The following HSPH1 variants were observed in gnomAD, a reference collection of about 807,000 sequenced individuals.
HSPH1 encodes the protein heat shock protein family H (Hsp110) member 1, also known as heat shock protein 105 kDa.
HSPH1 carries 40 observed loss-of-function variants against 100.0 expected under a neutral mutation model. The observed-to-expected ratio is 0.40, with a 90% CI of 0.31 to 0.52. The LOEUF (loss-of-function observed/expected upper bound fraction) is 0.52. Ranked by LOEUF, HSPH1 falls within the 20% of genes least tolerant of loss-of-function variation. The pLI, the probability that HSPH1 is intolerant of heterozygous loss-of-function variation, is 0.54. For synonymous variants in HSPH1, 403 were observed against 344.0 expected, an observed-to-expected ratio of 1.17 and a Z score of -1.90; for missense variants, 876 against 1,015.1, an observed-to-expected ratio of 0.86 and a Z score of 1.86.
Position 31,145,643 on chromosome 13 carries a change from G to C in HSPH1, c.1504C>G (p.Pro502Ala), listed in dbSNP as rs1472246918. The C allele has an allele frequency of 6.2e-7, 1 of 1,613,472 alleles. No individual in the cohort carries two copies. Among genetic ancestry groups the C allele is most frequent in the East Asian group, 2.2e-5 (1 of 44,868 alleles). The change falls in exon 11 of 18, where the codon CCA becomes GCA. Residue 502 changes from proline (P) to alanine (A), a missense_variant. Coordinates refer to ENST00000320027, the MANE Select transcript of HSPH1 (RefSeq NM_006644.4). Reference sequence around the variant, plus strand: ...GAAGACATTTCATTCTCCTCAGTTGGGACTTTCTCCACCATAGATGCCGTA... The same window carrying C: ...GAAGACATTTCATTCTCCTCAGTTGCGACTTTCTCCACCATAGATGCCGTA... ...ISTASMVEKV[P>A]TEENEMSSEA...
intron 4 of HSPH1, chr13:31,154,385 C>A: frequency 1.9e-6 from 1 of 531,494 alleles, no homozygotes; most frequent in Non-Finnish European, 3.4e-6. Flanking sequence ...ACAAATGGAA[C>A]CAGTCAAAAT....
In HSPH1 at chr13:31,135,166, C is replaced by T. The variant is rs1955854929; in HGVS notation, c.*2152G>A. 6.6e-6 allele frequency: 1 copy of T among 152,194 alleles called. No individual in the cohort carries two copies. The highest frequency in any genetic ancestry group is 1.5e-5 in the Non-Finnish European group (1 of 68,036). 9.4% of individuals were successfully genotyped at this position (152,194 alleles called of 1,614,324 possible). On this transcript the variant is annotated 3_prime_UTR_variant, in exon 18 of 18. Transcript: ENST00000320027. Reference sequence around the variant, plus strand: ...CGTTATTATAAAGTAATCAACATGACAATACTTTTGCCCGCATCCAAAAGC... The same window carrying T: ...CGTTATTATAAAGTAATCAACATGATAATACTTTTGCCCGCATCCAAAAGC...
upstream of HSPH1, chr13:31,161,921 C>CT (rs1956938316): frequency 4.0e-6 from 6 of 1,517,386 alleles, no homozygotes; most frequent in Non-Finnish European, 5.3e-6. Context: ...GGAGGTCCCA[C>CT]TTCCTCAGCC....
chr13:31,138,043 C>T (rs374071340), intron 17 of HSPH1, among the ~76,000 whole-genome samples: 12 of 152,228 alleles, frequency 7.9e-5, no homozygotes, highest in African/African-American at 2.6e-4. Context: ...CCCTATAGCA[C>T]TTAACATCTC....
chr13:31,161,408 G>A (rs1178201173), intron 1 of HSPH1, 68 bp downstream of exon 1: 15 of 1,578,918 alleles, frequency 9.5e-6, no homozygotes, highest in Non-Finnish European at 1.2e-5. Flanking sequence ...CAGCCAGCCC[G>A]CGATCTTGGG....
At position 31,145,700 on chromosome 13, in the gene HSPH1, G is replaced by A. The variant is rs1444395962; in HGVS notation, c.1447C>T (p.Arg483Ter). ...GTGAAAATGCCATGGGTGTTGACTC[G>A]CACTTTGACTTTTACTCTAGATTTT... ...GEKSRVKVKVRVNTHGIFTIS... is the reference protein window; with the variant it reads ...GEKSRVKVKV The change falls in exon 11 of 18, where the codon CGA becomes TGA. Residue 483 changes from arginine to a stop codon, truncating the protein, a stop_gained. Transcript: ENST00000320027. LOFTEE classifies it high-confidence loss of function. 1 of 1,613,498 alleles carries A rather than the reference G, an allele frequency of 6.2e-7. No individual in the cohort carries two copies. Among genetic ancestry groups the A allele is most frequent in the African/African-American group, 1.3e-5 (1 of 74,954 alleles).
chr13:31,158,957 T>TA, intron 1 of HSPH1, 94 bp from the exon 2 acceptor site: 1 of 766,868 alleles, frequency 1.3e-6, no homozygotes, highest in Non-Finnish European at 2.3e-6. Context: ...TCCTACCCAT[T>TA]AGGGGATAGG....
At chr13:31,153,895 A>G (rs1956579450) in intron 4 of HSPH1, 1 of 151,862 alleles carries the variant, frequency 6.6e-6, no homozygotes, top group Admixed American at 6.6e-5. Context: ...TTATAACTTA[A>G]TTCTTTAATT....
rs751853058 is a variant in HSPH1 at position 31,147,962 on chromosome 13, T to A, written c.1375A>T (p.Ile459Leu). ...PQGVPYPEAK[I>L]GRFVVQNVSA... ...ATATACACAATGAACTCCTTACCTA[T>A]TTTTGCTTCTGGATATGGAACTCCT... is the stretch of plus-strand genomic sequence containing the variant. The change falls in exon 10 of 18, where the codon ATA becomes TTA. Residue 459 changes from isoleucine to leucine, a missense_variant. Physicochemically the swap from Ile to Leu is conservative, Grantham distance 5 (BLOSUM62 2). Coordinates refer to ENST00000320027, the MANE Select transcript of HSPH1 (RefSeq NM_006644.4). 6 of 1,585,734 alleles carry A rather than the reference T, an allele frequency of 3.8e-6. No individual in the cohort carries two copies. The highest frequency in any genetic ancestry group is 1.7e-4 in the Middle Eastern group (1 of 5,974).
chr13:31,138,365 C>T (rs534272166), intron 17 of HSPH1, 42 bp downstream of exon 17: 58 of 1,588,672 alleles, frequency 3.7e-5, no homozygotes, highest in South Asian at 1.0e-4. Context: ...AACTTGAGTC[C>T]GTAAGTGAAC....
upstream of HSPH1, chr13:31,162,205 C>A: frequency 2.1e-6 from 2 of 962,114 alleles, no homozygotes; most frequent in East Asian, 2.6e-5. Flanking sequence ...AAGAATGACT[C>A]CAAAACTCGG....
In HSPH1 at chr13:31,149,893, G is replaced by A. The variant is rs146648378; in HGVS notation, c.1137+61C>T. The A allele has an allele frequency of 1.2e-4, 160 of 1,304,540 alleles. No individual in the cohort carries two copies. The African/African-American group carries it at 1.9e-3, about 16-fold the overall frequency. 80.8% of individuals were successfully genotyped at this position (1,304,540 alleles called of 1,614,324 possible). ...TCTCTGTTTATTATCCCACCATGACGACATCCAGTGGAAACTGTTTAAAGA... is the reference window on the plus strand; with the variant it reads ...TCTCTGTTTATTATCCCACCATGACAACATCCAGTGGAAACTGTTTAAAGA... On this transcript the variant is annotated intron_variant, in intron 8 of 17. Coordinates refer to ENST00000320027, the MANE Select transcript of HSPH1 (RefSeq NM_006644.4).
At chr13:31,160,831 G>A (rs1052326850) in intron 1 of HSPH1, among the ~76,000 whole-genome samples, 3 of 152,186 alleles carry the variant, frequency 2.0e-5, no homozygotes, top group African/African-American at 7.2e-5. Context: ...CGGGCATTAA[G>A]GCCAACAATG....
chr13:31,144,682 A>T (rs1956209737), intron 11 of HSPH1, among the ~76,000 whole-genome samples: 1 of 152,108 alleles, frequency 6.6e-6, no homozygotes, highest in African/African-American at 2.4e-5. Context: ...GAACTCTCTC[A>T]TATTTTTCTT....
At chr13:31,140,090 A>T in intron 14 of HSPH1, 94 bp downstream of exon 14, 1 of 1,225,608 alleles carries the variant, frequency 8.2e-7, no homozygotes, top group Non-Finnish European at 1.1e-6. Context: ...TTTAAGTTAC[A>T]TAATTGAGTA....
chr13:31,154,667 C>G lies in HSPH1; in HGVS notation c.395G>C (p.Ser132Thr), dbSNP rs751515227. ...ACAATCTGTTACTGGTTTCTTGAGG[C>G]TGTTTTCAGCAGTTTCCTTCAGCTT... Reference protein sequence around the residue: ...LTKLKETAENSLKKPVTDCVI... With the variant: ...LTKLKETAENTLKKPVTDCVI... Residue 132 changes from serine to threonine, a missense_variant, in exon 4 of 18, where the codon AGC becomes ACC. By Grantham distance (58) the Ser-to-Thr change is moderately conservative. Coordinates refer to ENST00000320027, the MANE Select transcript of HSPH1 (RefSeq NM_006644.4). 1.2e-6 allele frequency: 2 copies of G among 1,614,070 alleles called. No individual in the cohort carries two copies. Among genetic ancestry groups the G allele is most frequent in the Admixed American group, 1.7e-5 (1 of 60,026 alleles).
intron 14 of HSPH1, among the ~76,000 whole-genome samples, chr13:31,139,703 G>C (rs1956020147): frequency 1.3e-5 from 2 of 151,954 alleles, no homozygotes; most frequent in East Asian, 3.9e-4. Flanking sequence ...TTTTTTCCAA[G>C]TCCTATCTTT....
rs777066821 is a variant in HSPH1, at chr13:31,140,166, C to CA, written c.1980+17dup. The CA allele has an allele frequency of 6.2e-7, 1 of 1,600,292 alleles. No homozygotes were observed. Among genetic ancestry groups the CA allele is most frequent in the East Asian group, 2.2e-5 (1 of 44,662 alleles). The stretch of plus-strand genomic sequence containing the variant: ...TCATATGAGACTATCTGAACAAAAA[C>CA]AGAGCTCTAAGACATACCTGCTCAC... On this transcript the variant is annotated intron_variant, in intron 14 of 17. Coordinates refer to ENST00000320027, the MANE Select transcript of HSPH1 (RefSeq NM_006644.4).
rs759271202 is a variant in HSPH1, at chr13:31,155,652, T to C, written c.168A>G (p.Gln56=). Residue 56 remains glutamine, a splice_region_variant and synonymous_variant, in exon 3 of 18, where the codon CAA becomes CAG. Coordinates refer to ENST00000320027, the MANE Select transcript of HSPH1 (RefSeq NM_006644.4). ...RTIGVAAKNQ[Q]ITHANNTVSN... is the part of the protein sequence containing the mutation. The stretch of plus-strand genomic sequence containing the variant: ...ACACCGTATTGTTTGCATGAGTGAT[T>C]TGCTGCAAAAAGAAGTTTGAGATTT... 6.9e-6 allele frequency: 11 copies of C among 1,583,414 alleles called. No homozygotes were observed. Among genetic ancestry groups the C allele is most frequent in the Middle Eastern group, 1.7e-4 (1 of 5,952 alleles).
Sources: gnomAD v4.1 joint callset for allele counts (sites outside exome capture counted in the v4.1 genomes callset) on GRCh38, gnomAD v4.1.1 for gene constraint, MANE v1.5 for transcripts, NCBI Gene and HGNC (gene_info 2026-07-23, HGNC 2026-07-21) for gene names.